Variants in KDM4B observed in about 807,000 individuals in gnomAD.
KDM4B encodes lysine demethylase 4B, also known as lysine-specific demethylase 4B.
Under a neutral mutation model 125.2 loss-of-function variants are expected in KDM4B, and 32 were observed. The observed-to-expected ratio is 0.26, with a 90% CI of 0.19 to 0.34. The LOEUF is 0.34. Among genes scored for constraint, KDM4B ranks in the 10% least tolerant of loss-of-function variants. KDM4B has a pLI of 1.00. For synonymous variants in KDM4B, 721 were observed against 677.9 expected (o/e 1.06, Z -0.99); for missense variants, 1,190 against 1,577.7 (o/e 0.75, Z 4.16).
At chr19:5,094,917 G>A (rs1022339701) in intron 9 of KDM4B, among the ~76,000 whole-genome samples, 2 of 152,198 alleles carry the variant, frequency 1.3e-5, no homozygotes, top group African/African-American at 4.8e-5. Flanking sequence ...GGTCATCGCC[G>A]TCACCACAGA....
chr19:5,089,139 C>T (rs1446170209), intron 9 of KDM4B, among the ~76,000 whole-genome samples: 1 of 152,190 alleles, frequency 6.6e-6, no homozygotes, highest in Non-Finnish European at 1.5e-5. Context: ...TCTGTGAATA[C>T]ACAAGCTCCT....
intron 1 of KDM4B, among the ~76,000 whole-genome samples, chr19:5,006,189 G>A (rs1463102383): frequency 2.0e-5 from 3 of 151,902 alleles, no homozygotes; most frequent in African/African-American, 4.8e-5. Flanking sequence ...CTGGCTCCCC[G>A]CAGCCTCTCC....
At chr19:5,132,879 T>A (rs1198067289) in intron 13 of KDM4B, among the ~76,000 whole-genome samples, 1 of 152,186 alleles carries the variant, frequency 6.6e-6, no homozygotes, top group African/African-American at 2.4e-5. Flanking sequence ...CTTAGGGCCT[T>A]CCCTGGGCTC....
At chr19:5,065,845 A>C (rs1490016745) in intron 6 of KDM4B, among the ~76,000 whole-genome samples, 2 of 152,100 alleles carry the variant, frequency 1.3e-5, no homozygotes, top group East Asian at 1.9e-4. Flanking sequence ...GCCCCTGGGG[A>C]ATGGCGCGAG....
chr19:4,996,664 G>C (rs992868610), intron 1 of KDM4B, among the ~76,000 whole-genome samples: 1 of 151,974 alleles, frequency 6.6e-6, no homozygotes, highest in African/African-American at 2.4e-5. Context: ...CAGTCATTGT[G>C]GGACAGTCAT....
intron 5 of KDM4B, among the ~76,000 whole-genome samples, chr19:5,042,546 G>A (rs1439221400): frequency 6.6e-6 from 1 of 152,012 alleles, no homozygotes; most frequent in African/African-American, 2.4e-5. Flanking sequence ...ACTGGGTAGT[G>A]AATAAAGAAA....
intron 1 of KDM4B, among the ~76,000 whole-genome samples, chr19:5,000,784 T>A (rs987128121): frequency 6.6e-5 from 10 of 152,232 alleles, no homozygotes; most frequent in Non-Finnish European, 1.5e-4. Context: ...AGGATTTTCC[T>A]CCTCAACTCT....
At chr19:5,019,153 G>C (rs1044051233) in intron 2 of KDM4B, among the ~76,000 whole-genome samples, 1 of 144,624 alleles carries the variant, frequency 6.9e-6, no homozygotes, top group Non-Finnish European at 1.5e-5. Context: ...TGTTGGTGTG[G>C]GTGTTGGTGT....
intron 6 of KDM4B, among the ~76,000 whole-genome samples, chr19:5,058,506 A>C (rs1284698997): frequency 1.3e-5 from 2 of 152,154 alleles, no homozygotes; most frequent in Non-Finnish European, 2.9e-5. Context: ...CAGGGGAGCT[A>C]CTACTCTTGG....
intron 21 of KDM4B, among the ~76,000 whole-genome samples, chr19:5,145,948 C>T (rs1385259218): frequency 2.0e-5 from 3 of 152,234 alleles, no homozygotes; most frequent in Non-Finnish European, 4.4e-5. Context: ...CCCGAGGCCG[C>T]ATTAAGGAAA....
chr19:5,134,166 G>C, intron 14 of KDM4B, 105 bp downstream of exon 14: 23 of 1,125,736 alleles, frequency 2.0e-5, no homozygotes, highest in Non-Finnish European at 2.8e-5. Context: ...CGCAGGGCAG[G>C]GTGTTGGCCA....
At chr19:5,088,829 A>G (rs1373624074) in intron 9 of KDM4B, among the ~76,000 whole-genome samples, 1 of 152,096 alleles carries the variant, frequency 6.6e-6, no homozygotes, top group African/African-American at 2.4e-5. Context: ...GAAACTGGGG[A>G]ATACGGTAAA....
At chr19:5,071,284 G>T (rs887599899) in intron 7 of KDM4B, among the ~76,000 whole-genome samples, 1 of 152,210 alleles carries the variant, frequency 6.6e-6, no homozygotes, top group Non-Finnish European at 1.5e-5. Context: ...TGTGAAATTC[G>T]CACAGAATGC....
intron 18 of KDM4B, among the ~76,000 whole-genome samples, chr19:5,139,824 G>A (rs1353890690): frequency 2.0e-5 from 3 of 152,340 alleles, no homozygotes; most frequent in Middle Eastern, 3.4e-3. Flanking sequence ...GGTGCACATT[G>A]AGGCCCCCCG....
chr19:4,982,595 C>T (rs2034682243), intron 1 of KDM4B, among the ~76,000 whole-genome samples: 1 of 150,546 alleles, frequency 6.6e-6, no homozygotes, highest in Non-Finnish European at 1.5e-5. Flanking sequence ...GTGATGTTCT[C>T]TCTCTCTCTC....
At chr19:5,090,689 A>G (rs1268932747) in intron 9 of KDM4B, among the ~76,000 whole-genome samples, 1 of 94,808 alleles carries the variant, frequency 1.1e-5, no homozygotes, top group Non-Finnish European at 2.1e-5. Flanking sequence ...ACCCTCCATC[A>G]AGTGCCGACT....
chr19:5,014,527 G>A (rs548699414), intron 1 of KDM4B, among the ~76,000 whole-genome samples: 27 of 151,968 alleles, frequency 1.8e-4, no homozygotes, highest in African/African-American at 6.0e-4. Flanking sequence ...CACCCGCCTC[G>A]GCCTCCCAAA....
At chr19:5,134,333 G>C (rs1403670369) in intron 14 of KDM4B, among the ~76,000 whole-genome samples, 1 of 152,192 alleles carries the variant, frequency 6.6e-6, no homozygotes, top group Non-Finnish European at 1.5e-5. Flanking sequence ...ACTGCCCTCA[G>C]GGAGCGCCCG....
chr19:5,070,713 G>A (rs1000157900), intron 6 of KDM4B: 3 of 320,116 alleles, frequency 9.4e-6, no homozygotes, highest in Non-Finnish European at 1.2e-5. Flanking sequence ...CAGCCTCCTC[G>A]AGGTGGAGTG....
Sources: allele counts gnomAD v4.1 joint callset (sites outside exome capture counted in the v4.1 genomes callset), GRCh38; gene constraint gnomAD v4.1.1; transcripts MANE v1.5; gene names NCBI Gene and HGNC (gene_info 2026-07-23, HGNC 2026-07-21).